ST6GALNAC3: variants seen among roughly 807,000 people sequenced by gnomAD.
ST6GALNAC3 encodes ST6 N-acetylgalactosaminide alpha-2,6-sialyltransferase 3.
Under a neutral mutation model 32.7 loss-of-function variants are expected in ST6GALNAC3, and 25 were observed. The observed-to-expected ratio is 0.76, with a 90% CI of 0.56 to 1.07. The LOEUF is 1.07. Among genes scored for constraint, ST6GALNAC3 ranks in the 50% least tolerant of loss-of-function variants. The probability of loss-of-function intolerance (pLI) is 0.00; values close to 1 mark genes in which losing one functional copy is unlikely to be tolerated. For missense variants in ST6GALNAC3, 355 were observed against 382.4 expected, an observed-to-expected ratio of 0.93 and a Z score of 0.60; for synonymous variants, 129 against 133.1, an observed-to-expected ratio of 0.97 and a Z score of 0.21.
chr1:76,321,986 G>A lies in ST6GALNAC3; in HGVS notation c.213+7987G>A, dbSNP rs114782726. ...TTATTATCATAGGTTTTAATGTAGT[G>A]ATCGGTTCCTCAGGAAGATATACCG... On this transcript the variant is annotated intron_variant, in intron 2 of 4. Transcript: ENST00000328299. 3.4e-3 allele frequency among the ~76,000 whole-genome samples: 514 copies of A among 152,180 alleles called. 3 individuals are homozygous for A. Among genetic ancestry groups the A allele is most frequent in the African/African-American group, 0.012 (498 of 41,510 alleles).
At chr1:76,374,442 G>A (rs529355353) in intron 2 of ST6GALNAC3, among the ~76,000 whole-genome samples, 1 of 152,136 alleles carries the variant, frequency 6.6e-6, no homozygotes. Flanking sequence ...GATATTTACC[G>A]GAAGAGGAAA....
intron 1 of ST6GALNAC3, among the ~76,000 whole-genome samples, chr1:76,138,340 CCTTGAAAGTTTTTTTT>C (rs1404452607): frequency 2.0e-5 from 3 of 152,090 alleles, no homozygotes; most frequent in African/African-American, 4.8e-5. Context: ...TGATGTATTT[CCTTGAAAGTTTTTTTT>C]CTTTGAGAAC....
At chr1:76,474,287 G>C (rs993296783) in intron 3 of ST6GALNAC3, among the ~76,000 whole-genome samples, 1 of 152,184 alleles carries the variant, frequency 6.6e-6, no homozygotes, top group Non-Finnish European at 1.5e-5. Context: ...CAAATTACAA[G>C]ACCACTGGCA....
chr1:76,098,900 T>C (rs1647176371), intron 1 of ST6GALNAC3, among the ~76,000 whole-genome samples: 2 of 152,144 alleles, frequency 1.3e-5, no homozygotes, highest in African/African-American at 4.8e-5. Context: ...AACTACATTA[T>C]TTTGCCTTTC....
intron 3 of ST6GALNAC3, among the ~76,000 whole-genome samples, chr1:76,497,258 C>A (rs1027117374): frequency 2.6e-5 from 4 of 152,042 alleles, no homozygotes; most frequent in African/African-American, 9.7e-5. Context: ...AGGCAGGCAG[C>A]TTTGGGGGGC....
chr1:76,177,101 G>T (rs1410932320), intron 1 of ST6GALNAC3, among the ~76,000 whole-genome samples: 7 of 151,962 alleles, frequency 4.6e-5, no homozygotes, highest in African/African-American at 1.5e-4. Context: ...AGAAAAGAAG[G>T]TTAAGATAGT....
chr1:76,097,371 C>G (rs1253097363), intron 1 of ST6GALNAC3, among the ~76,000 whole-genome samples: 1 of 152,088 alleles, frequency 6.6e-6, no homozygotes, highest in African/African-American at 2.4e-5. Context: ...CCATGCTGTT[C>G]TCGTGATAGT....
At chr1:76,153,720 CT>C (rs1209263385) in intron 1 of ST6GALNAC3, among the ~76,000 whole-genome samples, 3 of 152,138 alleles carry the variant, frequency 2.0e-5, no homozygotes, top group Non-Finnish European at 4.4e-5. Context: ...CTAACCATGG[CT>C]TTGTTTGAGT....
At chr1:76,163,306 G>A (rs990764364) in intron 1 of ST6GALNAC3, among the ~76,000 whole-genome samples, 1 of 152,198 alleles carries the variant, frequency 6.6e-6, no homozygotes, top group Non-Finnish European at 1.5e-5. Flanking sequence ...TGTATTATGA[G>A]TCTCCAGAGG....
chr1:76,313,888 A>G lies in ST6GALNAC3; in HGVS notation c.102A>G (p.Pro34=), dbSNP rs748597964. The change falls in exon 2 of 5, where the codon CCA becomes CCG. Residue 34 remains proline (P), a synonymous_variant. Coordinates refer to ENST00000328299, the MANE Select transcript of ST6GALNAC3 (RefSeq NM_152996.4). ...GTCTTGTAAATGAAGTGAATTTCCC[A>G]TTGCTACTAAACTGCTTTGGACAAC... The part of the protein sequence containing the change: ...VVRLVNEVNF[P]LLLNCFGQPG... The G allele has an allele frequency of 2.0e-5, 33 of 1,613,518 alleles. No individual in the cohort carries two copies. The highest frequency in any genetic ancestry group is 3.3e-5 in the Admixed American group (2 of 59,922).
chr1:76,148,178 A>C (rs1175454704), intron 1 of ST6GALNAC3, among the ~76,000 whole-genome samples: 1 of 152,186 alleles, frequency 6.6e-6, no homozygotes, highest in Non-Finnish European at 1.5e-5. Flanking sequence ...TGCTTGACGC[A>C]TCTGTTTCCT....
intron 3 of ST6GALNAC3, among the ~76,000 whole-genome samples, chr1:76,428,370 A>G (rs897585140): frequency 5.3e-5 from 8 of 152,106 alleles, no homozygotes; most frequent in Non-Finnish European, 1.2e-4. Context: ...AGAGTTGGGG[A>G]CTTAAGGTCA....
chr1:76,167,707 A>G (rs1292736194), intron 1 of ST6GALNAC3, among the ~76,000 whole-genome samples: 1 of 152,118 alleles, frequency 6.6e-6, no homozygotes, highest in Non-Finnish European at 1.5e-5. Context: ...TTCCTGGTTC[A>G]GTCTTGGGAG....
At chr1:76,097,009 C>T (rs1305049768) in intron 1 of ST6GALNAC3, among the ~76,000 whole-genome samples, 1 of 151,298 alleles carries the variant, frequency 6.6e-6, no homozygotes, top group Non-Finnish European at 1.5e-5. Flanking sequence ...ATCTCCGCCT[C>T]GCGGGTTCAA....
Position 76,251,597 on chromosome 1 carries a change from A to T in ST6GALNAC3, c.19-62208A>T, listed in dbSNP as rs997723912. On this transcript the variant is annotated intron_variant, in intron 1 of 4. Coordinates refer to ENST00000328299, the MANE Select transcript of ST6GALNAC3 (RefSeq NM_152996.4). ...TCTTTTGACTGTTTGGTAAACTCTT[A>T]GTCATTCTATAAGTTCCCCAATCCA... Among the ~76,000 whole-genome samples, 7 of 152,206 alleles carry T rather than the reference A, an allele frequency of 4.6e-5. No individual in the cohort carries two copies. In the East Asian group the frequency reaches 1.2e-3, roughly 25 times the overall value.
chr1:76,230,222 G>A (rs1314460518), intron 1 of ST6GALNAC3, among the ~76,000 whole-genome samples: 1 of 152,138 alleles, frequency 6.6e-6, no homozygotes, highest in Admixed American at 6.5e-5. Flanking sequence ...GTACATATAA[G>A]CGTTAAGATG....
intron 3 of ST6GALNAC3, among the ~76,000 whole-genome samples, chr1:76,464,832 A>G (rs373839216): frequency 2.0e-5 from 3 of 152,198 alleles, no homozygotes; most frequent in East Asian, 1.9e-4. Context: ...CCAGGGAAGC[A>G]CAGCTGGTTA....
At chr1:76,472,766 G>A (rs185141408) in intron 3 of ST6GALNAC3, among the ~76,000 whole-genome samples, 139 of 152,234 alleles carry the variant, frequency 9.1e-4, no homozygotes, top group African/African-American at 2.7e-3. Flanking sequence ...TTTGGTGCAC[G>A]TGCGAAGACA....
At chr1:76,160,717 A>G (rs1035599215) in intron 1 of ST6GALNAC3, among the ~76,000 whole-genome samples, 17 of 152,220 alleles carry the variant, frequency 1.1e-4, no homozygotes, top group African/African-American at 4.1e-4. Context: ...GCACACACAC[A>G]CACAGTCTAC....
Sources: gnomAD v4.1 joint callset for allele counts (sites outside exome capture counted in the v4.1 genomes callset) on GRCh38, gnomAD v4.1.1 for gene constraint, MANE v1.5 for transcripts, NCBI Gene and HGNC (gene_info 2026-07-23, HGNC 2026-07-21) for gene names.